Variants in ZUP1 observed in about 807,000 individuals in gnomAD.
ZUP1 encodes the protein zinc finger-containing ubiquitin peptidase 1.
Under a neutral mutation model 68.1 loss-of-function variants are expected in ZUP1, and 55 were observed. That is an observed-to-expected ratio of 0.81 (90% CI 0.65 to 1.01). The LOEUF is 1.01. Ranked by LOEUF, ZUP1 falls within the 50% of genes least tolerant of loss-of-function variation. The probability of loss-of-function intolerance (pLI) is 0.00; values close to 1 mark genes in which losing one functional copy is unlikely to be tolerated. For missense variants in ZUP1, 684 were observed against 674.9 expected (o/e 1.01, Z -0.15); for synonymous variants, 223 against 221.5 (o/e 1.01, Z -0.06).
intron 9 of ZUP1, among the ~76,000 whole-genome samples, chr6:116,642,013 G>C (rs569773193): frequency 6.6e-6 from 1 of 152,032 alleles, no homozygotes; most frequent in Non-Finnish European, 1.5e-5. Flanking sequence ...TATCACCACC[G>C]ATCCCACAGA....
intron 9 of ZUP1, among the ~76,000 whole-genome samples, chr6:116,640,441 AGGTC>A (rs1776060416): frequency 6.6e-6 from 1 of 152,210 alleles, no homozygotes; most frequent in Non-Finnish European, 1.5e-5. Flanking sequence ...CCAGAAAGAA[AGGTC>A]GGGTTACCCA....
intron 8 of ZUP1, 96 bp from the exon 9 acceptor site, chr6:116,646,030 G>T: frequency 8.4e-6 from 7 of 834,294 alleles, no homozygotes; most frequent in South Asian, 1.9e-5. Context: ...TGTGTGTTTA[G>T]AATATAAATA....
intron 9 of ZUP1, among the ~76,000 whole-genome samples, chr6:116,639,896 C>T (rs181936884): frequency 6.6e-6 from 1 of 152,232 alleles, no homozygotes; most frequent in African/African-American, 2.4e-5. Context: ...CTCCGAGCTA[C>T]AGGATGAAAT....
At chr6:116,656,512 T>A (rs1162154179) in intron 5 of ZUP1, among the ~76,000 whole-genome samples, 172 bp downstream of exon 5, 1 of 152,158 alleles carries the variant, frequency 6.6e-6, no homozygotes, top group Non-Finnish European at 1.5e-5. Flanking sequence ...AAAAGTAAAT[T>A]TTTAAGTGAA....
rs1361842916 is a variant in ZUP1, at chr6:116,645,745, A to T, written c.1658T>A (p.Val553Glu). 1.2e-6 allele frequency: 2 copies of T among 1,613,606 alleles called. No homozygotes were observed. Among genetic ancestry groups the T allele is most frequent in the East Asian group, 4.5e-5 (2 of 44,826 alleles). ...LKHKQYQILA[V>E]EGALSLEEKL... ...CTCCTCTAGAGAAAGAGCACCCTCT[A>T]CTGCCAATATCTGGTATTGCTTATG... Residue 553 changes from valine (V) to glutamate (E), a missense_variant, in exon 9 of 10, where the codon GTA becomes GAA. By Grantham distance (121) the Val-to-Glu change is moderately radical. Coordinates refer to ENST00000368576, the MANE Select transcript of ZUP1 (RefSeq NM_145062.3).
chr6:116,643,182 A>C (rs1776178359), intron 9 of ZUP1, among the ~76,000 whole-genome samples: 2 of 152,188 alleles, frequency 1.3e-5, no homozygotes, highest in South Asian at 4.1e-4. Context: ...TCAATGAAAT[A>C]AAAGAGGATA....
chr6:116,659,755 C>A (rs1374792967), intron 3 of ZUP1, among the ~76,000 whole-genome samples: 1 of 152,168 alleles, frequency 6.6e-6, no homozygotes, highest in Non-Finnish European at 1.5e-5. Context: ...TACTCGGTGT[C>A]CCCCAGATCC....
intron 9 of ZUP1, among the ~76,000 whole-genome samples, chr6:116,638,493 T>C (rs1452769043): frequency 2.0e-5 from 3 of 152,198 alleles, no homozygotes; most frequent in Non-Finnish European, 4.4e-5. Flanking sequence ...AGTTAAATTC[T>C]AGAAATGTGA....
chr6:116,643,727 T>C (rs1421545020), intron 9 of ZUP1, among the ~76,000 whole-genome samples: 2 of 152,184 alleles, frequency 1.3e-5, no homozygotes, highest in Admixed American at 6.5e-5. Flanking sequence ...CATAAAACCA[T>C]AAAAACCCTA....
At chr6:116,644,423 A>G (rs1035786739) in intron 9 of ZUP1, among the ~76,000 whole-genome samples, 3 of 152,222 alleles carry the variant, frequency 2.0e-5, no homozygotes, top group African/African-American at 7.2e-5. Flanking sequence ...ACAATAGCAA[A>G]GACTTGGAAC....
chr6:116,640,800 C>T (rs1328326906), intron 9 of ZUP1, among the ~76,000 whole-genome samples: 2 of 150,636 alleles, frequency 1.3e-5, no homozygotes, highest in Non-Finnish European at 3.0e-5. Context: ...AAATAACCAG[C>T]TAACATCATA....
In ZUP1 at chr6:116,660,406, T is replaced by C. The variant is rs141500920; in HGVS notation, c.670+330A>G. 30 of 172,130 alleles carry C rather than the reference T, an allele frequency of 1.7e-4. No homozygotes were observed. The East Asian group carries it at 4.2e-3, about 24-fold the overall frequency. The allele number at this position is 172,130 out of a possible 1,614,324, so 10.7% of individuals were successfully genotyped here. ...CATAGGGGAGAAAGGAAAACTTTTA[T>C]AGAATCACAATAAAACCAGTAAGTC... On this transcript the variant is annotated intron_variant, in intron 3 of 9. Transcript: ENST00000368576.
At chr6:116,664,282 T>C (rs1776931168) in intron 2 of ZUP1, among the ~76,000 whole-genome samples, 1 of 151,924 alleles carries the variant, frequency 6.6e-6, no homozygotes, top group South Asian at 2.1e-4. Flanking sequence ...AGTACAAAAA[T>C]TAACTGGGCC....
chr6:116,661,051 T>C (rs1478012094), intron 2 of ZUP1, among the ~76,000 whole-genome samples: 3 of 151,964 alleles, frequency 2.0e-5, no homozygotes, highest in East Asian at 3.9e-4. Flanking sequence ...GCTAATTTTT[T>C]TTTTTTTAGA....
In ZUP1 at chr6:116,645,741, CTCT is replaced by C. The variant is rs778318450; in HGVS notation, c.1659_1661del (p.Glu554del). ...GTTTCTCCTCTAGAGAAAGAGCACCCTCTACTGCCAATATCTGGTATTGCTTAT... is the reference window on the plus strand; with the variant it reads ...GTTTCTCCTCTAGAGAAAGAGCACCCACTGCCAATATCTGGTATTGCTTAT... On this transcript the variant is annotated inframe_deletion, in exon 9 of 10. Transcript: ENST00000368576. 1.9e-6 allele frequency: 3 copies of C among 1,613,448 alleles called. No homozygotes were observed. In the Admixed American group the frequency reaches 5.0e-5, roughly 27 times the overall value.
At chr6:116,663,378 C>T (rs1776902550) in intron 2 of ZUP1, among the ~76,000 whole-genome samples, 1 of 152,168 alleles carries the variant, frequency 6.6e-6, no homozygotes, top group Non-Finnish European at 1.5e-5. Context: ...TTGGTTAAAT[C>T]TAGCTATTTA....
intron 2 of ZUP1, among the ~76,000 whole-genome samples, chr6:116,663,937 A>G (rs532242577): frequency 6.6e-6 from 1 of 152,144 alleles, no homozygotes; most frequent in Admixed American, 6.5e-5. Context: ...ACATAGTAAG[A>G]CCTTGTCTCA....
chr6:116,653,833 A>G (rs1356107011), intron 5 of ZUP1, among the ~76,000 whole-genome samples: 2 of 152,000 alleles, frequency 1.3e-5, no homozygotes, highest in African/African-American at 4.8e-5. Context: ...TATGTTACAT[A>G]TCAGATGGAG....
At chr6:116,638,313 T>C (rs1226552120) in intron 9 of ZUP1, among the ~76,000 whole-genome samples, 3 of 152,316 alleles carry the variant, frequency 2.0e-5, no homozygotes, top group East Asian at 3.9e-4. Context: ...TGCTATCATA[T>C]AGCTTCAGTT....
Sources: allele counts gnomAD v4.1 joint callset (sites outside exome capture counted in the v4.1 genomes callset), GRCh38; gene constraint gnomAD v4.1.1; transcripts MANE v1.5; gene names NCBI Gene and HGNC (gene_info 2026-07-23, HGNC 2026-07-21).